RGS7BP: variants seen among roughly 807,000 people sequenced by gnomAD.
The protein encoded by RGS7BP is regulator of G protein signaling 7 binding protein, also known as regulator of G protein signaling 7-binding protein.
RGS7BP carries 9 observed loss-of-function variants against 31.3 expected under a neutral mutation model. The observed-to-expected ratio is 0.29, with a 90% CI of 0.17 to 0.50. The LOEUF (loss-of-function observed/expected upper bound fraction) is 0.50, where lower values mean the gene tolerates loss of function less well. Among genes scored for constraint, RGS7BP ranks in the 20% least tolerant of loss-of-function variants. The pLI is 0.98. For synonymous variants in RGS7BP, 115 were observed against 120.1 expected (o/e 0.96, Z 0.28); for missense variants, 274 against 322.0 (o/e 0.85, Z 1.14).
intron 2 of RGS7BP, among the ~76,000 whole-genome samples, chr5:64,514,545 AT>A (rs1748922124): frequency 6.6e-6 from 1 of 152,188 alleles, no homozygotes; most frequent in African/African-American, 2.4e-5. Context: ...GTTTGTGACC[AT>A]GGAATAGAAT....
intron 2 of RGS7BP, among the ~76,000 whole-genome samples, chr5:64,557,066 G>A (rs1258969868): frequency 6.6e-6 from 1 of 151,972 alleles, no homozygotes; most frequent in Non-Finnish European, 1.5e-5. Context: ...CAGTCAACTT[G>A]GAAAATAAAT....
intron 3 of RGS7BP, among the ~76,000 whole-genome samples, chr5:64,576,806 C>T (rs1742444717): frequency 6.6e-6 from 1 of 152,134 alleles, no homozygotes; most frequent in Non-Finnish European, 1.5e-5. Context: ...AAGTATCCAT[C>T]ACCAGAAGAC....
At chr5:64,556,993 G>A (rs1414998885) in intron 2 of RGS7BP, among the ~76,000 whole-genome samples, 1 of 152,118 alleles carries the variant, frequency 6.6e-6, no homozygotes, top group African/African-American at 2.4e-5. Context: ...ATCACTTGGA[G>A]ACTTCACTTA....
chr5:64,544,152 A>G (rs1342355579), intron 2 of RGS7BP, among the ~76,000 whole-genome samples: 1 of 152,350 alleles, frequency 6.6e-6, no homozygotes, highest in Non-Finnish European at 1.5e-5. Context: ...TGTGTCAGGC[A>G]TTGTATTAAG....
chr5:64,555,987 A>C (rs2111848144), intron 2 of RGS7BP, among the ~76,000 whole-genome samples: 1 of 152,198 alleles, frequency 6.6e-6, no homozygotes, highest in East Asian at 1.9e-4. Flanking sequence ...TCATCGCAGG[A>C]AATTCTGTCG....
intron 3 of RGS7BP, among the ~76,000 whole-genome samples, chr5:64,593,979 A>G (rs577031216): frequency 1.0e-3 from 159 of 152,332 alleles, no homozygotes; most frequent in African/African-American, 3.6e-3. Flanking sequence ...TTATGGCTGA[A>G]CCAGTTTGGA....
rs1371734063 is a variant in RGS7BP at position 64,611,461 on chromosome 5, C to A, written c.*2209C>A. The A allele has an allele frequency of 1.3e-5, 2 of 152,166 alleles. No individual in the cohort carries two copies. Among genetic ancestry groups the A allele is most frequent in the Non-Finnish European group, 2.9e-5 (2 of 67,832 alleles). 9.4% of individuals were successfully genotyped at this position (152,166 alleles called of 1,614,324 possible). On this transcript the variant is annotated 3_prime_UTR_variant, in exon 6 of 6. Coordinates refer to ENST00000334025, the MANE Select transcript of RGS7BP (RefSeq NM_001029875.3). ...CACCTTAGCCTCAGTGTGAAAGTAA[C>A]ACTTACCTTCTGTGCAATTGTCCTT...
At chr5:64,522,369 T>C (rs2111902053) in intron 2 of RGS7BP, among the ~76,000 whole-genome samples, 2 of 152,310 alleles carry the variant, frequency 1.3e-5, no homozygotes, top group East Asian at 3.9e-4. Context: ...AGAAGCCTTA[T>C]CTGTGTGCAC....
In RGS7BP at chr5:64,550,061, G is replaced by A. The variant is rs561479482; in HGVS notation, c.333-25713G>A. On this transcript the variant is annotated intron_variant, in intron 2 of 5. Coordinates refer to ENST00000334025, the MANE Select transcript of RGS7BP (RefSeq NM_001029875.3). ...CAAAATATGTTCCTCATTTCTGTCT[G>A]ATACCTTACCAGAATCACCCTTAAC... 9.2e-5 allele frequency among the ~76,000 whole-genome samples: 14 copies of A among 152,224 alleles called. No individual in the cohort carries two copies. In the East Asian group the frequency reaches 1.9e-3, roughly 21 times the overall value.
In RGS7BP at chr5:64,507,722, G is replaced by A. The variant is rs1409884489; in HGVS notation, c.177G>A (p.Glu59=). Residue 59 remains glutamate, a synonymous_variant, in exon 2 of 6, where the codon GAG becomes GAA. Transcript: ENST00000334025. ...CACTTCTTTTCCAGCTTGTCCAAGA[G>A]TTCAACACACAAGTGGCCCTGTACC... The part of the protein sequence containing the change: ...ALDDCKMLVQ[E]FNTQVALYRE... The A allele has an allele frequency of 2.5e-6, 4 of 1,579,148 alleles. No individual in the cohort carries two copies. The highest frequency in any genetic ancestry group is 2.3e-5 in the South Asian group (2 of 85,316).
chr5:64,577,702 C>T (rs933698069), intron 3 of RGS7BP, among the ~76,000 whole-genome samples: 11 of 152,202 alleles, frequency 7.2e-5, no homozygotes, highest in Non-Finnish European at 7.3e-5. Flanking sequence ...AAACTGATGT[C>T]ATTGGCCTGA....
At chr5:64,576,439 C>T (rs1424216670) in intron 3 of RGS7BP, among the ~76,000 whole-genome samples, 3 of 152,214 alleles carry the variant, frequency 2.0e-5, no homozygotes, top group African/African-American at 7.2e-5. Flanking sequence ...TTTCATTAGA[C>T]TTCCAGCTCC....
intron 2 of RGS7BP, among the ~76,000 whole-genome samples, chr5:64,514,832 A>G (rs903772781): frequency 1.8e-4 from 28 of 152,312 alleles, no homozygotes; most frequent in African/African-American, 6.3e-4. Flanking sequence ...ACAAGGTTCT[A>G]ACTCACACCA....
intron 2 of RGS7BP, among the ~76,000 whole-genome samples, chr5:64,550,095 C>G (rs1741753499): frequency 6.6e-6 from 1 of 152,206 alleles, no homozygotes; most frequent in South Asian, 2.1e-4. Context: ...ACCTCCATTT[C>G]TGGCATGTAC....
At chr5:64,549,779 G>A (rs905150945) in intron 2 of RGS7BP, among the ~76,000 whole-genome samples, 4 of 152,012 alleles carry the variant, frequency 2.6e-5, no homozygotes, top group African/African-American at 9.7e-5. Flanking sequence ...TTATAATATG[G>A]GTAGGCTGAG....
chr5:64,584,769 T>C (rs973770678), intron 3 of RGS7BP, among the ~76,000 whole-genome samples: 1 of 152,210 alleles, frequency 6.6e-6, no homozygotes, highest in African/African-American at 2.4e-5. Context: ...TCCCAGTACA[T>C]GGGAAGAATG....
At chr5:64,548,161 T>C (rs532111001) in intron 2 of RGS7BP, among the ~76,000 whole-genome samples, 2 of 152,286 alleles carry the variant, frequency 1.3e-5, no homozygotes, top group South Asian at 2.1e-4. Flanking sequence ...GTTAATATTA[T>C]ATACAATATT....
chr5:64,593,102 A>T lies in RGS7BP; in HGVS notation c.464-1608A>T, dbSNP rs546163680. ...ATTCCTCAGGCAAGTCCCATCACCC[A>T]GGATCAATGCACATAAAGTACACAG... On this transcript the variant is annotated intron_variant, in intron 3 of 5. Coordinates refer to ENST00000334025, the MANE Select transcript of RGS7BP (RefSeq NM_001029875.3). Among the ~76,000 whole-genome samples, 10 of 152,350 alleles carry T rather than the reference A, an allele frequency of 6.6e-5. 1 individual carries two copies. Among genetic ancestry groups the T allele is most frequent in the Non-Finnish European group, 8.8e-5 (6 of 68,020 alleles).
intron 2 of RGS7BP, among the ~76,000 whole-genome samples, chr5:64,544,421 T>A (rs761364204): frequency 7.9e-5 from 12 of 151,724 alleles, no homozygotes; most frequent in Non-Finnish European, 1.6e-4. Context: ...CTGTCTGTAA[T>A]CCCAGCACAT....
Sources: gnomAD v4.1 joint callset for allele counts (sites outside exome capture counted in the v4.1 genomes callset) on GRCh38, gnomAD v4.1.1 for gene constraint, MANE v1.5 for transcripts, NCBI Gene and HGNC (gene_info 2026-07-23, HGNC 2026-07-21) for gene names.